The following NUP160 variants were observed in gnomAD, a reference collection of about 807,000 sequenced individuals.
NUP160 encodes nucleoporin 160.
NUP160 carries 94 observed loss-of-function variants against 196.9 expected under a neutral mutation model. The observed-to-expected ratio is 0.48, with a 90% CI of 0.40 to 0.57. The LOEUF (loss-of-function observed/expected upper bound fraction) is 0.57, where lower values mean the gene tolerates loss of function less well. Among genes scored for constraint, NUP160 ranks in the 20% least tolerant of loss-of-function variants. The pLI is 0.00. For missense variants in NUP160, 1,638 were observed against 1,748.3 expected, an observed-to-expected ratio of 0.94 and a Z score of 1.13; for synonymous variants, 605 against 619.7, an observed-to-expected ratio of 0.98 and a Z score of 0.35.
intron 3 of NUP160, 137 bp downstream of exon 3, chr11:47,840,241 T>C (rs1479017667): frequency 8.2e-6 from 7 of 858,770 alleles, no homozygotes; most frequent in Non-Finnish European, 7.7e-6. Context: ...TTTTAAGCGG[T>C]AGCTATCAAA....
At chr11:47,796,503 T>TGA in intron 27 of NUP160, 2 of 266,602 alleles carry the variant, frequency 7.5e-6, no homozygotes, top group Non-Finnish European at 7.1e-6. Flanking sequence ...AAATAGATAT[T>TGA]GAGAGAGAGA....
At chr11:47,780,537 ACC>A (rs750881074) in intron 34 of NUP160, 90 bp from the exon 35 acceptor site, 126 of 616,854 alleles carry the variant, frequency 2.0e-4, no homozygotes, top group Non-Finnish European at 2.9e-4. Flanking sequence ...AGAATAAAAT[ACC>A]CTTTTTTTTT....
At chr11:47,825,524 C>T (rs549305981) in intron 7 of NUP160, among the ~76,000 whole-genome samples, 1 of 150,428 alleles carries the variant, frequency 6.6e-6, no homozygotes, top group African/African-American at 2.4e-5. Context: ...ACGATCTCGG[C>T]TCACTGCAAC....
intron 27 of NUP160, among the ~76,000 whole-genome samples, chr11:47,797,095 A>G (rs974486885): frequency 2.0e-5 from 3 of 152,224 alleles, no homozygotes; most frequent in Non-Finnish European, 4.4e-5. Context: ...TATTATACTC[A>G]TAACCTAAGC....
chr11:47,848,286 G>A (rs1210847789), exon 1 of NUP160: 1 of 1,614,142 alleles, frequency 6.2e-7, no homozygotes, highest in Non-Finnish European at 8.5e-7. Context: ...TTAGCTCCAC[G>A]AAGCTCCGTT....
intron 7 of NUP160, among the ~76,000 whole-genome samples, chr11:47,832,354 G>A (rs1852094947): frequency 6.6e-6 from 1 of 152,266 alleles, no homozygotes; most frequent in African/African-American, 2.4e-5. Flanking sequence ...AAGGCCACCA[G>A]GTTAGGAAGA....
chr11:47,826,809 C>T (rs1449246560), intron 7 of NUP160, among the ~76,000 whole-genome samples: 4 of 152,096 alleles, frequency 2.6e-5, no homozygotes, highest in Admixed American at 6.6e-5. Flanking sequence ...GTGATCTGCC[C>T]GCCTTGGCCT....
chr11:47,782,303 AATATATATATATATATATATATATATAT>A lies in NUP160; in HGVS notation c.4116+742_4116+769del, dbSNP rs10529981. ...CAAAACTCAGTTAAAAAAAAAAAAA[AATATATATATATATATATATATATATAT>A]ATATATATATATATATATATATATA... On this transcript the variant is annotated intron_variant, in intron 34 of 35. Transcript: ENST00000378460. Among the ~76,000 whole-genome samples, 16 of 40,524 alleles carry A rather than the reference AATATATATATATATATATATATATATAT, an allele frequency of 3.9e-4. 2 individuals carry two copies. In the East Asian group the frequency reaches 4.2e-3, roughly 11 times the overall value. 26.6% of individuals were successfully genotyped at this position (40,524 alleles called of 152,430 possible).
chr11:47,797,692 T>C (rs1230396222), intron 27 of NUP160, 87 bp downstream of exon 27: 9 of 879,872 alleles, frequency 1.0e-5, no homozygotes, highest in Non-Finnish European at 1.7e-5. Flanking sequence ...TATTAAAAAT[T>C]ACCTAAGTCC....
rs200587314 is a variant in NUP160, at chr11:47,822,158, T to C, written c.1108A>G (p.Ile370Val). ...CTCTCAGTGCTCACCAACTGGAAAA[T>C]GCAGAACTGTTAAAACACAAGATGA... Residue 370 changes from isoleucine to valine, a missense_variant, in exon 8 of 36, where the codon ATT becomes GTT. By Grantham distance (29) the Ile-to-Val change is conservative. This residue lies in a region of NUP160 where 1,345 missense variants were observed against 1,470.2 expected (regional missense o/e 0.91). Transcript: ENST00000378460. 35 of 1,600,450 alleles carry C rather than the reference T, an allele frequency of 2.2e-5. No homozygotes were observed. The highest frequency in any genetic ancestry group is 2.7e-5 in the African/African-American group (2 of 74,526).
Position 47,791,794 on chromosome 11 carries a change from C to T in NUP160, c.3511+136G>A, listed in dbSNP as rs1238941858. 7 of 616,690 alleles carry T rather than the reference C, an allele frequency of 1.1e-5. No individual in the cohort carries two copies. In the East Asian group the frequency reaches 2.3e-4, roughly 20 times the overall value. The allele number at this position is 616,690 out of a possible 1,614,324, so 38.2% of individuals were successfully genotyped here. On this transcript the variant is annotated intron_variant, in intron 29 of 35. Transcript: ENST00000378460. The stretch of plus-strand genomic sequence containing the variant: ...AGTTAAAACTTGTGTTTTACAAGGG[C>T]AACTGTTACTACTATAACATTTATA...
At chr11:47,819,312 CAAAAA>C in intron 10 of NUP160, 57 bp downstream of exon 10, 1 of 1,045,704 alleles carries the variant, frequency 9.6e-7, no homozygotes, top group Non-Finnish European at 1.4e-6. Flanking sequence ...GACTCTGTCT[CAAAAA>C]AAAAAAAAAG....
chr11:47,806,788 T>TACACACACACACACAC (rs1491520212), intron 19 of NUP160, among the ~76,000 whole-genome samples: 1 of 106,414 alleles, frequency 9.4e-6, no homozygotes, highest in Non-Finnish European at 1.9e-5. Context: ...GGAAAGCAGC[T>TACACACACACACACAC]ATACACACAC....
At chr11:47,819,401 A>G (rs748764023) in exon 10 of NUP160, 1 of 1,613,388 alleles carries the variant, frequency 6.2e-7, no homozygotes, top group South Asian at 1.1e-5. Flanking sequence ...CTCTGATGAC[A>G]ATCTCTTCCT....
intron 9 of NUP160, 154 bp downstream of exon 9, chr11:47,821,570 G>A (rs1163054954): frequency 8.7e-6 from 5 of 577,532 alleles, no homozygotes; most frequent in Non-Finnish European, 1.5e-5. Context: ...CTGTTGCCCA[G>A]CCTGGTCTCG....
At chr11:47,781,976 A>G (rs997405610) in intron 34 of NUP160, among the ~76,000 whole-genome samples, 8 of 152,126 alleles carry the variant, frequency 5.3e-5, no homozygotes, top group African/African-American at 7.2e-5. Context: ...CTTACATAGC[A>G]TGATAATAAA....
At chr11:47,814,225 G>A (rs180707894) in intron 13 of NUP160, among the ~76,000 whole-genome samples, 52 of 151,926 alleles carry the variant, frequency 3.4e-4, no homozygotes, top group African/African-American at 1.2e-3. Context: ...ACAAAGAAAC[G>A]CTGATAACAG....
chr11:47,847,628 G>A (rs1852424037), intron 2 of NUP160, among the ~76,000 whole-genome samples: 1 of 117,642 alleles, frequency 8.5e-6, no homozygotes, highest in African/African-American at 3.1e-5. Flanking sequence ...GGTGTTGCTT[G>A]GTGTATGTGT....
At chr11:47,833,865 T>C (rs1247432559) in intron 7 of NUP160, among the ~76,000 whole-genome samples, 1 of 152,240 alleles carries the variant, frequency 6.6e-6, no homozygotes, top group Non-Finnish European at 1.5e-5. Flanking sequence ...GAATTAAGCA[T>C]GTCCTGTGAG....
Sources: allele counts gnomAD v4.1 joint callset (sites outside exome capture counted in the v4.1 genomes callset), GRCh38; gene constraint gnomAD v4.1.1; regional missense constraint gnomAD v4.1.1; transcripts MANE v1.5; gene names NCBI Gene and HGNC (gene_info 2026-07-23, HGNC 2026-07-21).